Variants in WWOX observed in about 807,000 individuals in gnomAD.
WWOX encodes WW domain containing oxidoreductase.
A neutral mutation model predicts 46.2 loss-of-function variants in WWOX; 69 were observed. The ratio of observed to expected loss-of-function variants is 1.49; its 90% CI spans 1.23 to 1.82. The LOEUF (loss-of-function observed/expected upper bound fraction) is 1.82. Ranked by LOEUF, WWOX falls within the 40% of genes most tolerant of loss-of-function variation. The pLI is 0.00. For missense variants in WWOX, 919 were observed against 542.6 expected, an observed-to-expected ratio of 1.69 and a Z score of -6.89; for synonymous variants, 359 against 202.6, an observed-to-expected ratio of 1.77 and a Z score of -6.56.
chr16:78,950,236 T>G (rs989878627), intron 8 of WWOX, among the ~76,000 whole-genome samples: 8 of 152,184 alleles, frequency 5.3e-5, no homozygotes, highest in Non-Finnish European at 1.2e-4. Context: ...TTCAGTTGAA[T>G]TACGGTCTTT....
intron 8 of WWOX, among the ~76,000 whole-genome samples, chr16:79,139,592 C>G (rs544188211): frequency 6.6e-6 from 1 of 151,838 alleles, no homozygotes; most frequent in Admixed American, 6.6e-5. Context: ...TTTTTCTTTT[C>G]TTTTTCTTTC....
intron 8 of WWOX, among the ~76,000 whole-genome samples, chr16:78,837,648 C>G (rs909296179): frequency 6.6e-6 from 1 of 151,928 alleles, no homozygotes; most frequent in Non-Finnish European, 1.5e-5. Context: ...ATTGGTGAAC[C>G]AAATATTTTG....
At chr16:79,075,911 G>C (rs890955809) in intron 8 of WWOX, among the ~76,000 whole-genome samples, 5 of 152,132 alleles carry the variant, frequency 3.3e-5, no homozygotes, top group African/African-American at 1.2e-4. Context: ...TGACTGTAAA[G>C]GGCAGACTTA....
intron 8 of WWOX, among the ~76,000 whole-genome samples, chr16:78,725,929 TTTCC>T (rs2048819904): frequency 6.6e-6 from 1 of 151,976 alleles, no homozygotes; most frequent in Non-Finnish European, 1.5e-5. Context: ...TTTTTTCTCC[TTTCC>T]TTTTCTTTCC....
In WWOX at chr16:78,164,229, C is replaced by G; in HGVS notation, c.456C>G (p.Ile152Met). ...KSFALHGAHV[I>M]LACRNMARAS... The stretch of plus-strand genomic sequence containing the variant: ...TTGCCCTCCATGGTGCACATGTGAT[C>G]TTGGCCTGCAGGAACATGGCAAGGG... Residue 152 changes from isoleucine (I) to methionine (M), a missense_variant, in exon 5 of 9, where the codon ATC becomes ATG. By Grantham distance (10) the Ile-to-Met change is conservative (BLOSUM62 1). Coordinates refer to ENST00000566780, the MANE Select transcript of WWOX (RefSeq NM_016373.4). The G allele has an allele frequency of 6.2e-7, 1 of 1,614,160 alleles. No individual in the cohort carries two copies. The highest frequency in any genetic ancestry group is 1.3e-5 in the African/African-American group (1 of 75,066).
At chr16:78,423,468 T>C (rs964677565) in intron 6 of WWOX, among the ~76,000 whole-genome samples, 21 of 152,302 alleles carry the variant, frequency 1.4e-4, no homozygotes, top group African/African-American at 4.8e-4. Flanking sequence ...TTTATTTTGT[T>C]GTATAGTTCT....
chr16:78,810,539 AAT>A (rs1291669024), intron 8 of WWOX, among the ~76,000 whole-genome samples: 3 of 152,248 alleles, frequency 2.0e-5, no homozygotes, highest in Non-Finnish European at 4.4e-5. Flanking sequence ...AAAATAAATT[AAT>A]AGTCAACAAC....
At chr16:78,699,567 GT>G (rs2048169353) in intron 8 of WWOX, among the ~76,000 whole-genome samples, 1 of 152,116 alleles carries the variant, frequency 6.6e-6, no homozygotes, top group Non-Finnish European at 1.5e-5. Flanking sequence ...AGAAAAACAA[GT>G]TCATGAGATA....
Position 78,578,975 on chromosome 16 carries a change from C to T in WWOX, c.1056+146223C>T, listed in dbSNP as rs188930126. Among the ~76,000 whole-genome samples the T allele has an allele frequency of 4.7e-3, 709 of 152,316 alleles. 9 individuals are homozygous for T. Among genetic ancestry groups the T allele is most frequent in the Non-Finnish European group, 4.5e-3 (303 of 68,034 alleles). On this transcript the variant is annotated intron_variant, in intron 8 of 8. Coordinates refer to ENST00000566780, the MANE Select transcript of WWOX (RefSeq NM_016373.4). The stretch of plus-strand genomic sequence containing the variant: ...CTTTCTTGCTTTTCAGAAACCACCA[C>T]CACAAAAGAGGCAGTAACATTAGTA...
chr16:78,501,921 G>T (rs1019720987), intron 8 of WWOX, among the ~76,000 whole-genome samples: 7 of 152,096 alleles, frequency 4.6e-5, no homozygotes, highest in Admixed American at 1.3e-4. Flanking sequence ...AAACCACTGT[G>T]GTCCCACCTG....
At chr16:78,548,613 G>C (rs577384267) in intron 8 of WWOX, among the ~76,000 whole-genome samples, 1 of 152,106 alleles carries the variant, frequency 6.6e-6, no homozygotes, top group East Asian at 1.9e-4. Context: ...CTGATGGGCC[G>C]GTTGACTCTA....
intron 8 of WWOX, among the ~76,000 whole-genome samples, chr16:79,097,424 G>A (rs912447654): frequency 6.6e-6 from 1 of 151,396 alleles, no homozygotes; most frequent in Non-Finnish European, 1.5e-5. Flanking sequence ...AACTGAAAGT[G>A]ATAATTTATT....
At chr16:79,028,262 T>C (rs907496183) in intron 8 of WWOX, among the ~76,000 whole-genome samples, 1 of 151,840 alleles carries the variant, frequency 6.6e-6, no homozygotes, top group Non-Finnish European at 1.5e-5. Context: ...TTATTTTCCT[T>C]TGTGTTCCTA....
intron 8 of WWOX, among the ~76,000 whole-genome samples, chr16:78,627,306 C>G (rs1244274631): frequency 3.3e-5 from 5 of 152,110 alleles, no homozygotes; most frequent in Non-Finnish European, 5.9e-5. Context: ...TCTTAAAGTC[C>G]CAAAGGGAGG....
chr16:78,653,167 CAAG>C (rs1255134476), intron 8 of WWOX, among the ~76,000 whole-genome samples: 4 of 151,520 alleles, frequency 2.6e-5, no homozygotes, highest in Admixed American at 6.6e-5. Flanking sequence ...ATTAAAAAAA[CAAG>C]AATTTCTCAT....
chr16:79,098,265 G>A (rs1436411932), intron 8 of WWOX, among the ~76,000 whole-genome samples: 1 of 152,174 alleles, frequency 6.6e-6, no homozygotes, highest in Non-Finnish European at 1.5e-5. Context: ...TCACATTTGG[G>A]GACTCCTTTT....
intron 5 of WWOX, among the ~76,000 whole-genome samples, chr16:78,314,608 T>A (rs1184285337): frequency 1.4e-5 from 2 of 142,716 alleles, no homozygotes; most frequent in Admixed American, 1.4e-4. Flanking sequence ...CACTGCAACC[T>A]CTACCTCCTG....
intron 8 of WWOX, among the ~76,000 whole-genome samples, chr16:78,470,638 T>C (rs1771786758): frequency 6.6e-6 from 1 of 152,238 alleles, no homozygotes; most frequent in South Asian, 2.1e-4. Context: ...CAAGCCATTC[T>C]CCTGCCTCAG....
intron 5 of WWOX, among the ~76,000 whole-genome samples, chr16:78,245,036 G>T (rs528646250): frequency 6.6e-6 from 1 of 152,204 alleles, no homozygotes; most frequent in Admixed American, 6.5e-5. Context: ...TACAATTGTG[G>T]CATATGTACT....
Sources: gnomAD v4.1 joint callset for allele counts (sites outside exome capture counted in the v4.1 genomes callset) on GRCh38, gnomAD v4.1.1 for gene constraint, MANE v1.5 for transcripts, NCBI Gene and HGNC (gene_info 2026-07-23, HGNC 2026-07-21) for gene names.